The following TMEM154 variants were observed in gnomAD, a reference collection of about 807,000 sequenced individuals.
The protein encoded by TMEM154 is transmembrane protein 154.
In TMEM154, 27 loss-of-function variants were observed where a neutral mutation model predicts 24.5. The observed-to-expected ratio is 1.10, with a 90% CI of 0.81 to 1.52. The LOEUF (loss-of-function observed/expected upper bound fraction) is 1.52. Ranked by LOEUF, TMEM154 falls within the 40% of genes most tolerant of loss-of-function variation. The pLI is 0.00. For missense variants in TMEM154, 228 were observed against 213.4 expected (o/e 1.07, Z -0.43); for synonymous variants, 67 against 76.8 (o/e 0.87, Z 0.67).
At position 152,643,315 on chromosome 4, in the gene TMEM154, C is replaced by T. The variant is rs1184819424; in HGVS notation, c.393-142G>A. On this transcript the variant is annotated intron_variant, in intron 4 of 6. Coordinates refer to ENST00000304385, the MANE Select transcript of TMEM154 (RefSeq NM_152680.3). ...CTCTAGGGAAGCCTGGGGGCTTGCC[C>T]TATTCCAAACTACCAAACTTTAATA... 8.1e-6 allele frequency: 5 copies of T among 617,272 alleles called. No homozygotes were observed. The East Asian group carries it at 1.2e-4, about 14-fold the overall frequency. The allele number at this position is 617,272 out of a possible 1,614,324, so 38.2% of individuals were successfully genotyped here.
At chr4:152,674,354 C>T (rs1307996822) in intron 1 of TMEM154, among the ~76,000 whole-genome samples, 1 of 152,124 alleles carries the variant, frequency 6.6e-6, no homozygotes. Flanking sequence ...TGGCAAAGTT[C>T]AGAGTCAGGT....
intron 1 of TMEM154, among the ~76,000 whole-genome samples, chr4:152,661,735 G>A (rs182486838): frequency 2.1e-3 from 322 of 152,242 alleles, no homozygotes; most frequent in African/African-American, 7.1e-3. Flanking sequence ...CCACATCTCT[G>A]TTGATTCCAA....
chr4:152,661,284 T>TTCTTTCTCTCTCTCTC (rs1728596270), intron 1 of TMEM154, among the ~76,000 whole-genome samples: 1 of 63,410 alleles, frequency 1.6e-5, no homozygotes, highest in Non-Finnish European at 3.0e-5. Context: ...ATTGTTCTCT[T>TTCTTTCTCTCTCTCTC]TCTCTCTCTC....
intron 1 of TMEM154, among the ~76,000 whole-genome samples, chr4:152,676,038 T>C (rs747084965): frequency 1.3e-5 from 2 of 152,176 alleles, no homozygotes; most frequent in Non-Finnish European, 2.9e-5. Flanking sequence ...ATAAGGCTGT[T>C]CTTCTCCTCG....
At chr4:152,657,830 A>G in intron 1 of TMEM154, among the ~76,000 whole-genome samples, 1 of 152,370 alleles carries the variant, frequency 6.6e-6, no homozygotes, top group South Asian at 2.1e-4. Context: ...GAAAGAAAAC[A>G]AAACAATGAC....
intron 1 of TMEM154, among the ~76,000 whole-genome samples, chr4:152,667,547 A>G (rs142704760): frequency 2.6e-5 from 4 of 152,344 alleles, no homozygotes; most frequent in Admixed American, 2.0e-4. Context: ...TTATAAGCTC[A>G]GTTGTTCTAC....
intron 1 of TMEM154, among the ~76,000 whole-genome samples, chr4:152,678,825 A>C (rs1028669995): frequency 6.6e-6 from 1 of 152,208 alleles, no homozygotes; most frequent in Middle Eastern, 3.2e-3. Flanking sequence ...TTTCTACCTC[A>C]GATGCCTGGG....
intron 1 of TMEM154, among the ~76,000 whole-genome samples, chr4:152,655,880 T>C (rs555153920): frequency 1.3e-5 from 2 of 152,076 alleles, no homozygotes; most frequent in East Asian, 1.9e-4. Context: ...GCTTCACCCC[T>C]ACCTATTACA....
chr4:152,640,982 T>G lies in TMEM154; in HGVS notation c.482A>C (p.Asp161Ala). The change falls in exon 6 of 7, where the codon GAC becomes GCC. Residue 161 changes from aspartate to alanine, a missense_variant. Asp to Ala is a moderately radical substitution (Grantham distance 126). Coordinates refer to ENST00000304385, the MANE Select transcript of TMEM154 (RefSeq NM_152680.3). ...KWMNSMNRNA[D>A]FECLPTLKEE... ...CTTCAAGGTAGGTAAACATTCAAAG[T>G]CGGCTAGGACAGAATAAAAGCAAAC... The G allele has an allele frequency of 1.2e-6, 2 of 1,610,740 alleles. No individual in the cohort carries two copies. The highest frequency in any genetic ancestry group is 1.7e-6 in the Non-Finnish European group (2 of 1,178,776).
chr4:152,679,022 C>A (rs751738408), intron 1 of TMEM154, among the ~76,000 whole-genome samples: 1 of 152,160 alleles, frequency 6.6e-6, no homozygotes, highest in Admixed American at 6.5e-5. Flanking sequence ...TAGAAGCAGT[C>A]GGTGTTCATT....
intron 6 of TMEM154, among the ~76,000 whole-genome samples, chr4:152,636,374 G>A (rs1355704087): frequency 6.6e-6 from 1 of 152,182 alleles, no homozygotes; most frequent in Non-Finnish European, 1.5e-5. Flanking sequence ...ATGAATCACG[G>A]AAAAGATGCT....
In TMEM154 at chr4:152,620,907, A is replaced by G. The variant is rs796310831; in HGVS notation, c.*7639T>C. 3.9e-5 allele frequency: 6 copies of G among 152,350 alleles called. No homozygotes were observed. Among genetic ancestry groups the G allele is most frequent in the African/African-American group, 9.6e-5 (4 of 41,576 alleles). The allele number at this position is 152,350 out of a possible 1,614,324, so 9.4% of individuals were successfully genotyped here. On this transcript the variant is annotated 3_prime_UTR_variant, in exon 7 of 7. Coordinates refer to ENST00000304385, the MANE Select transcript of TMEM154 (RefSeq NM_152680.3). ...GAGTTGGAAAGACATGGAACAAGGT[A>G]TAAGTTCTCTAAACCTACCTCATAA...
chr4:152,637,111 A>G (rs192994787), intron 6 of TMEM154, among the ~76,000 whole-genome samples: 227 of 152,298 alleles, frequency 1.5e-3, no homozygotes, highest in African/African-American at 5.1e-3. Context: ...CAGAGGGTAT[A>G]TGGGAACTCT....
chr4:152,654,967 C>T (rs996112417), intron 1 of TMEM154, among the ~76,000 whole-genome samples: 2 of 151,978 alleles, frequency 1.3e-5, no homozygotes, highest in African/African-American at 4.8e-5. Context: ...CCATCAGAAT[C>T]AATTACAAAC....
intron 6 of TMEM154, among the ~76,000 whole-genome samples, chr4:152,636,430 CT>C (rs1260954355): frequency 6.6e-6 from 1 of 152,192 alleles, no homozygotes; most frequent in Non-Finnish European, 1.5e-5. Flanking sequence ...CCCATGATTC[CT>C]TTGTTGCTTT....
intron 6 of TMEM154, among the ~76,000 whole-genome samples, chr4:152,632,036 T>A (rs536675303): frequency 2.0e-5 from 3 of 151,964 alleles, no homozygotes; most frequent in Admixed American, 2.0e-4. Context: ...CTCGATCTCC[T>A]GACCTCGTGA....
At chr4:152,647,506 G>T (rs1416900584) in intron 3 of TMEM154, among the ~76,000 whole-genome samples, 1 of 152,130 alleles carries the variant, frequency 6.6e-6, no homozygotes, top group Non-Finnish European at 1.5e-5. Flanking sequence ...TTTGTGATAA[G>T]CCAATTGTTT....
chr4:152,644,304 G>A, intron 4 of TMEM154, 111 bp downstream of exon 4: 1 of 1,210,792 alleles, frequency 8.3e-7, no homozygotes, highest in Non-Finnish European at 1.2e-6. Context: ...CGCCTGGGAA[G>A]CAGGAGAGTC....
chr4:152,661,325 TC>T lies in TMEM154; in HGVS notation c.65-8399del, dbSNP rs1728604395. On this transcript the variant is annotated intron_variant, in intron 1 of 6. Transcript: ENST00000304385. ...CTCTCTCTCTCTCTCTCTCTCTCTC[TC>T]TCTCTCTCTCTCTCTCCCCCCAACT... Among the ~76,000 whole-genome samples, 92 of 139,552 alleles carry T rather than the reference TC, an allele frequency of 6.6e-4. 1 individual carries two copies. Among genetic ancestry groups the T allele is most frequent in the African/African-American group, 2.3e-3 (84 of 37,310 alleles). The allele number at this position is 139,552 out of a possible 152,430, so 91.6% of individuals were successfully genotyped here.
Sources: gnomAD v4.1 joint callset for allele counts (sites outside exome capture counted in the v4.1 genomes callset) on GRCh38, gnomAD v4.1.1 for gene constraint, MANE v1.5 for transcripts, NCBI Gene and HGNC (gene_info 2026-07-23, HGNC 2026-07-21) for gene names.